SEMA3A: variants seen among roughly 807,000 people sequenced by gnomAD.
SEMA3A encodes semaphorin 3A.
In SEMA3A, 29 loss-of-function variants were observed where a neutral mutation model predicts 97.9. The ratio of observed to expected loss-of-function variants is 0.30; its 90% confidence interval spans 0.22 to 0.40. The LOEUF is 0.40. SEMA3A is among the 10% of genes least tolerant of loss of function. The pLI, the probability that SEMA3A is intolerant of heterozygous loss-of-function variation, is 1.00. For synonymous variants in SEMA3A, 321 were observed against 323.7 expected, an observed-to-expected ratio of 0.99 and a Z score of 0.09; for missense variants, 763 against 951.3, an observed-to-expected ratio of 0.80 and a Z score of 2.60.
At chr7:84,472,558 T>C (rs1230715320) in intron 1 of SEMA3A, among the ~76,000 whole-genome samples, 3 of 152,340 alleles carry the variant, frequency 2.0e-5, no homozygotes, top group East Asian at 1.9e-4. Context: ...AGCTAAAACA[T>C]GTCACCACAT....
At chr7:84,254,443 A>G (rs950075756) in intron 3 of SEMA3A, among the ~76,000 whole-genome samples, 7 of 152,208 alleles carry the variant, frequency 4.6e-5, no homozygotes, top group Non-Finnish European at 5.9e-5. Flanking sequence ...CAGAATGAAG[A>G]GATAGAGCTG....
chr7:84,187,219 A>T (rs1469188244), intron 1 of SEMA3A, among the ~76,000 whole-genome samples: 1 of 152,226 alleles, frequency 6.6e-6, no homozygotes, highest in East Asian at 1.9e-4. Flanking sequence ...CAAGGATTAC[A>T]CTTACAACTT....
chr7:84,089,732 A>G (rs1794504499), intron 4 of SEMA3A, among the ~76,000 whole-genome samples: 2 of 152,056 alleles, frequency 1.3e-5, no homozygotes, highest in South Asian at 4.1e-4. Context: ...TTATTTATAT[A>G]CACATTTGGT....
intron 1 of SEMA3A, among the ~76,000 whole-genome samples, chr7:84,425,151 TA>T (rs1443920902): frequency 9.0e-6 from 1 of 111,156 alleles, no homozygotes; most frequent in Non-Finnish European, 1.6e-5. Context: ...TATATATATT[TA>T]TATATTATAA....
intron 1 of SEMA3A, among the ~76,000 whole-genome samples, chr7:84,436,552 C>T (rs555716123): frequency 2.6e-5 from 4 of 152,204 alleles, no homozygotes; most frequent in Admixed American, 1.3e-4. Flanking sequence ...TTCTTTTATT[C>T]TTTGTAAAAC....
intron 6 of SEMA3A, among the ~76,000 whole-genome samples, chr7:84,037,286 G>A (rs1791975008): frequency 6.6e-6 from 1 of 151,892 alleles, no homozygotes; most frequent in Admixed American, 6.6e-5. Flanking sequence ...GTATGGGAAA[G>A]CTCTCTGTGA....
chr7:84,340,443 T>C (rs936258116), intron 2 of SEMA3A, among the ~76,000 whole-genome samples: 7 of 152,140 alleles, frequency 4.6e-5, no homozygotes, highest in Non-Finnish European at 1.0e-4. Flanking sequence ...AGGTTAACTA[T>C]GCTATTAATA....
chr7:83,996,950 CGA>C (rs1790247132), intron 12 of SEMA3A, among the ~76,000 whole-genome samples: 1 of 152,056 alleles, frequency 6.6e-6, no homozygotes, highest in South Asian at 2.1e-4. Flanking sequence ...ATACTCTGAT[CGA>C]GATTTGATTT....
At chr7:84,007,283 T>G (rs1790704003) in intron 10 of SEMA3A, 70 bp downstream of exon 10, 1 of 1,285,124 alleles carries the variant, frequency 7.8e-7, no homozygotes, top group Non-Finnish European at 1.1e-6. Context: ...TATCTGTCTG[T>G]AGCTGCATTG....
At chr7:84,216,550 T>C (rs577017963) in intron 3 of SEMA3A, among the ~76,000 whole-genome samples, 1 of 152,200 alleles carries the variant, frequency 6.6e-6, no homozygotes, top group East Asian at 1.9e-4. Context: ...TTAGATAGAT[T>C]AAAACAGCAC....
chr7:84,482,019 AT>A (rs1806459950), intron 1 of SEMA3A, among the ~76,000 whole-genome samples: 1 of 151,736 alleles, frequency 6.6e-6, no homozygotes, highest in Non-Finnish European at 1.5e-5. Context: ...CCTAAAGTTT[AT>A]TTTTAAAAGC....
chr7:84,129,146 T>C lies in SEMA3A; in HGVS notation c.310A>G (p.Lys104Glu). 6.2e-7 allele frequency: 1 copy of C among 1,613,088 alleles called. No individual in the cohort carries two copies. Among genetic ancestry groups the C allele is most frequent in the Non-Finnish European group, 8.5e-7 (1 of 1,179,108 alleles). ...ACCAGGATGTCTTTTCCAGCCCACT[T>C]GCATTCATCTCTTCTGGTGTAAGAT... is the stretch of plus-strand genomic sequence containing the variant. The part of the protein sequence containing the change: ...PVSYTRRDEC[K>E]WAGKDILKEC... Residue 104 changes from lysine (K) to glutamate (E), a missense_variant, in exon 3 of 17, where the codon AAG becomes GAG. Physicochemically the swap from Lys to Glu is moderately conservative, Grantham distance 56. Around this residue, in one of 2 missense-constraint regions of SEMA3A, gnomAD observed 678 missense variants for 881.3 expected, o/e 0.77. Transcript: ENST00000265362.
At position 84,060,568 on chromosome 7, in the gene SEMA3A, T is replaced by TA. The variant is rs1461822842; in HGVS notation, c.454-11dup. On this transcript the variant is annotated splice_polypyrimidine_tract_variant and intron_variant, in intron 4 of 16. Transcript: ENST00000265362. Reference sequence around the variant, plus strand: ...GCTTAAAAATATTGTCCTGTGGATTTAAAAAAGAAAGAGAAAAGGGTTTCC... The same window carrying TA: ...GCTTAAAAATATTGTCCTGTGGATTTAAAAAAAGAAAGAGAAAAGGGTTTCC... 6.5e-7 allele frequency: 1 copy of TA among 1,536,656 alleles called. No individual in the cohort carries two copies. The highest frequency in any genetic ancestry group is 2.4e-5 in the East Asian group (1 of 42,390).
At chr7:84,266,137 G>T (rs1799994442) in intron 3 of SEMA3A, among the ~76,000 whole-genome samples, 1 of 151,564 alleles carries the variant, frequency 6.6e-6, no homozygotes, top group African/African-American at 2.4e-5. Context: ...TGGCCAACAT[G>T]GCAAAACCCT....
chr7:84,403,296 T>C (rs1205856231), intron 1 of SEMA3A, among the ~76,000 whole-genome samples: 4 of 152,178 alleles, frequency 2.6e-5, no homozygotes, highest in Non-Finnish European at 1.5e-5. Context: ...GCCTCGCTCA[T>C]TGCTAGCACA....
chr7:84,424,716 T>TAA (rs1166161039), intron 1 of SEMA3A, among the ~76,000 whole-genome samples: 3 of 99,066 alleles, frequency 3.0e-5, no homozygotes, highest in African/African-American at 8.4e-5. Flanking sequence ...ATATAATATA[T>TAA]AAATTATTTA....
intron 12 of SEMA3A, among the ~76,000 whole-genome samples, chr7:83,992,156 T>C (rs1391178542): frequency 1.1e-4 from 16 of 150,538 alleles, no homozygotes; most frequent in African/African-American, 2.4e-4. Flanking sequence ...TCTGTGGGAT[T>C]GGTGGTGATA....
At chr7:84,302,634 G>A (rs17158818) in intron 3 of SEMA3A, among the ~76,000 whole-genome samples, 9,990 of 152,110 alleles carry the variant, frequency 0.066, 547 homozygotes, top group East Asian at 0.29. Flanking sequence ...TTGGTAGAAC[G>A]GGGGTCACAC....
chr7:84,034,368 G>T (rs1249623067), intron 6 of SEMA3A, among the ~76,000 whole-genome samples: 1 of 152,066 alleles, frequency 6.6e-6, no homozygotes, highest in Non-Finnish European at 1.5e-5. Context: ...GCAAATTGCA[G>T]AAATATGCAA....
Sources: gnomAD v4.1 joint callset for allele counts (sites outside exome capture counted in the v4.1 genomes callset) on GRCh38, gnomAD v4.1.1 for gene constraint, gnomAD v4.1.1 regional missense constraint, MANE v1.5 for transcripts, NCBI Gene and HGNC (gene_info 2026-07-23, HGNC 2026-07-21) for gene names.